TNS3: variants seen among roughly 807,000 people sequenced by gnomAD.
The protein encoded by TNS3 is tensin-3.
TNS3 carries 45 observed loss-of-function variants against 140.9 expected under a neutral mutation model. That is an observed-to-expected ratio of 0.32 (90% CI 0.25 to 0.41). The LOEUF (loss-of-function observed/expected upper bound fraction) is 0.41, where lower values mean the gene tolerates loss of function less well. Ranked by LOEUF, TNS3 falls within the 10% of genes least tolerant of loss-of-function variation. TNS3 has a pLI of 1.00. For synonymous variants in TNS3, 815 were observed against 788.4 expected, an observed-to-expected ratio of 1.03 and a Z score of -0.56; for missense variants, 1,716 against 1,906.7, an observed-to-expected ratio of 0.90 and a Z score of 1.86.
chr7:47,404,164 C>T (rs1301589866), intron 13 of TNS3, among the ~76,000 whole-genome samples: 1 of 152,226 alleles, frequency 6.6e-6, no homozygotes, highest in Non-Finnish European at 1.5e-5. Flanking sequence ...GCAAGCACCA[C>T]AACAAAGGCT....
At chr7:47,300,237 G>A (rs1786313687) in intron 23 of TNS3, among the ~76,000 whole-genome samples, 1 of 152,100 alleles carries the variant, frequency 6.6e-6, no homozygotes, top group African/African-American at 2.4e-5. Flanking sequence ...CTCTGACACG[G>A]GCAGTAGAAG....
chr7:47,563,096 G>C (rs544471250), intron 1 of TNS3, among the ~76,000 whole-genome samples: 1 of 152,150 alleles, frequency 6.6e-6, no homozygotes, highest in African/African-American at 2.4e-5. Context: ...GGGCATCCCC[G>C]GGCCAGGCCC....
chr7:47,543,949 C>T (rs145149918), intron 1 of TNS3, among the ~76,000 whole-genome samples: 54 of 152,286 alleles, frequency 3.5e-4, no homozygotes, highest in Non-Finnish European at 5.9e-4. Context: ...ATTTGTTTCC[C>T]TCTGCTCTGA....
chr7:47,380,880 G>A (rs1008528087), intron 16 of TNS3, among the ~76,000 whole-genome samples: 3 of 152,212 alleles, frequency 2.0e-5, no homozygotes, highest in African/African-American at 7.2e-5. Flanking sequence ...GGCTTTCACA[G>A]CAGGACAGTG....
Position 47,368,934 on chromosome 7 carries a change from G to A in TNS3, c.1712C>T (p.Ser571Leu), listed in dbSNP as rs749874604. Residue 571 changes from serine to leucine, a missense_variant, in exon 17 of 31, where the codon TCA becomes TTA. This residue lies in a region of TNS3 where 1,163 missense variants were observed against 1,182.1 expected (regional missense o/e 0.98). Coordinates refer to ENST00000311160, the MANE Select transcript of TNS3 (RefSeq NM_022748.12). ...ATAGGCCTGCATCTGGGCGGACACT[G>A]AGGGCTTTCTCAGCAGGGGCTGGGG... ...KQPQPLLRKP[S>L]VSAQMQAYGQ... 1 of 1,613,602 alleles carries A rather than the reference G, an allele frequency of 6.2e-7. No homozygotes were observed. The highest frequency in any genetic ancestry group is 1.1e-5 in the South Asian group (1 of 91,010).
At chr7:47,458,580 G>A (rs1485236459) in intron 4 of TNS3, among the ~76,000 whole-genome samples, 2 of 152,234 alleles carry the variant, frequency 1.3e-5, no homozygotes, top group African/African-American at 2.4e-5. Flanking sequence ...GCGCTGGGAT[G>A]AGCTGTGAAA....
In TNS3 at chr7:47,541,442, C is replaced by A. The variant is rs138909169; in HGVS notation, c.-264-12295G>T. 3.4e-4 allele frequency among the ~76,000 whole-genome samples: 52 copies of A among 152,230 alleles called. No homozygotes were observed. In the East Asian group the frequency reaches 8.7e-3, roughly 25 times the overall value. On this transcript the variant is annotated intron_variant, in intron 1 of 30. Coordinates refer to ENST00000311160, the MANE Select transcript of TNS3 (RefSeq NM_022748.12). ...AGGCTCCAATACCAACAGTCACCCC[C>A]CAATGAGCCTGAAATCTCTTCTTTT...
intron 2 of TNS3, among the ~76,000 whole-genome samples, chr7:47,509,504 G>A (rs1053980668): frequency 1.3e-5 from 2 of 152,114 alleles, no homozygotes; most frequent in Non-Finnish European, 2.9e-5. Flanking sequence ...AGCACCTCTC[G>A]GGGAGGAACT....
Position 47,381,081 on chromosome 7 carries a change from G to A in TNS3, c.1025-11460C>T, listed in dbSNP as rs190245378. On this transcript the variant is annotated intron_variant, in intron 16 of 30. Coordinates refer to ENST00000311160, the MANE Select transcript of TNS3 (RefSeq NM_022748.12). ...GAAATTTGAACTCCAGAGGCTGAAA[G>A]GTGGAGAAAGAAGCTCCTCCTGGGA... is the stretch of plus-strand genomic sequence containing the variant. 2.0e-5 allele frequency among the ~76,000 whole-genome samples: 3 copies of A among 152,304 alleles called. No individual in the cohort carries two copies. The East Asian group carries it at 5.8e-4, about 29-fold the overall frequency.
intron 16 of TNS3, among the ~76,000 whole-genome samples, chr7:47,395,218 G>A (rs564023796): frequency 6.6e-6 from 1 of 152,314 alleles, no homozygotes; most frequent in East Asian, 1.9e-4. Flanking sequence ...TCAGGACAGA[G>A]CGCTGCTCAC....
chr7:47,316,094 T>TTCTCTCTCTCTCTCTCTCTC (rs56939479), intron 20 of TNS3, among the ~76,000 whole-genome samples: 1 of 105,782 alleles, frequency 9.5e-6, no homozygotes, highest in African/African-American at 3.5e-5. Flanking sequence ...AACTAACTAT[T>TTCTCTCTCTCTCTCTCTCTC]TCTCTCTCTC....
chr7:47,284,408 GCCTCACCTGTGTCCTGGCTCCCC>G (rs1785305868), intron 27 of TNS3, among the ~76,000 whole-genome samples: 1 of 152,228 alleles, frequency 6.6e-6, no homozygotes, highest in Non-Finnish European at 1.5e-5. Context: ...AAGTGGCCCG[GCCTCACCTGTGTCCTGGCTCCCC>G]ATGCTGCCAA....
At chr7:47,345,173 G>C (rs1789262247) in intron 18 of TNS3, 135 bp from the exon 19 acceptor site, 1 of 669,256 alleles carries the variant, frequency 1.5e-6, no homozygotes, top group East Asian at 2.7e-5. Context: ...AGGAGGCTGA[G>C]GTCTGGATCC....
intron 4 of TNS3, among the ~76,000 whole-genome samples, chr7:47,466,490 G>C (rs1796721964): frequency 6.6e-6 from 1 of 152,176 alleles, no homozygotes; most frequent in Non-Finnish European, 1.5e-5. Context: ...ATTTGAAAAA[G>C]ACTGGGGTTG....
intron 21 of TNS3, among the ~76,000 whole-genome samples, chr7:47,303,790 C>T (rs1786572536): frequency 6.6e-6 from 1 of 152,234 alleles, no homozygotes; most frequent in African/African-American, 2.4e-5. Flanking sequence ...CATTTCATGC[C>T]TGGATGCTGC....
chr7:47,360,467 C>T (rs1044379358), intron 17 of TNS3, among the ~76,000 whole-genome samples: 1 of 152,208 alleles, frequency 6.6e-6, no homozygotes, highest in African/African-American at 2.4e-5. Flanking sequence ...GCATGTCCAG[C>T]GCCCGGGGCC....
chr7:47,424,180 C>A lies in TNS3; in HGVS notation c.394G>T (p.Asp132Tyr). The change falls in exon 10 of 31, where the codon GAC becomes TAC. Residue 132 changes from aspartate (D) to tyrosine (Y), a missense_variant. Physicochemically the swap from Asp to Tyr is radical, Grantham distance 160. Around this residue, in one of 3 missense-constraint regions of TNS3, gnomAD observed 337 missense variants for 428.9 expected, o/e 0.79. Transcript: ENST00000311160. The stretch of plus-strand genomic sequence containing the variant: ...ATTGCAAACCTGTCAAGGGCCTGGT[C>A]GGCGCTGAAGGGGAGAGAGAGAGAA... ...MHFTNVSASA[D>Y]QALDRFAMKK... 1 of 1,613,984 alleles carries A rather than the reference C, an allele frequency of 6.2e-7. No homozygotes were observed. The highest frequency in any genetic ancestry group is 8.5e-7 in the Non-Finnish European group (1 of 1,179,992).
intron 17 of TNS3, among the ~76,000 whole-genome samples, chr7:47,367,061 C>T (rs1790748356): frequency 6.6e-6 from 1 of 152,232 alleles, no homozygotes; most frequent in Admixed American, 6.5e-5. Context: ...ACGGATGCCA[C>T]ACTTTCTGGC....
At chr7:47,489,195 TGCGG>T (rs1483896375) in intron 3 of TNS3, among the ~76,000 whole-genome samples, 1 of 152,070 alleles carries the variant, frequency 6.6e-6, no homozygotes, top group Non-Finnish European at 1.5e-5. Flanking sequence ...CTTCTCAGCC[TGCGG>T]GCTGAGAACC....
Sources: allele counts gnomAD v4.1 joint callset (sites outside exome capture counted in the v4.1 genomes callset), GRCh38; gene constraint gnomAD v4.1.1; regional missense constraint gnomAD v4.1.1; transcripts MANE v1.5; gene names NCBI Gene and HGNC (gene_info 2026-07-23, HGNC 2026-07-21).